Variants in GCSH observed in about 807,000 individuals in gnomAD.
GCSH encodes the protein glycine cleavage system H protein, mitochondrial.
A neutral mutation model predicts 21.3 loss-of-function variants in GCSH; 15 were observed. The observed-to-expected ratio is 0.70, with a 90% CI of 0.47 to 1.08. The LOEUF is 1.08. Among genes scored for constraint, GCSH ranks in the 50% least tolerant of loss-of-function variants. GCSH has a pLI of 0.00. For synonymous variants in GCSH, 59 were observed against 84.5 expected (o/e 0.70, Z 1.66); for missense variants, 179 against 217.5 (o/e 0.82, Z 1.11).
intron 1 of GCSH, among the ~76,000 whole-genome samples, chr16:81,092,382 A>G (rs565723898): frequency 3.3e-5 from 5 of 152,284 alleles, no homozygotes; most frequent in African/African-American, 1.2e-4. Flanking sequence ...TTTTAAATAC[A>G]GTGCTTGCCA....
At chr16:81,088,243 G>T (rs1972324479) in intron 2 of GCSH, among the ~76,000 whole-genome samples, 1 of 152,116 alleles carries the variant, frequency 6.6e-6, no homozygotes, top group Non-Finnish European at 1.5e-5. Context: ...TGGCAATATA[G>T]CAAGACCCTG....
intron 1 of GCSH, among the ~76,000 whole-genome samples, chr16:81,093,103 G>A (rs1423971899): frequency 1.4e-5 from 2 of 146,926 alleles, no homozygotes; most frequent in Admixed American, 6.9e-5. Flanking sequence ...TTGCCTGGGC[G>A]ACTAGCGAAA....
At chr16:81,093,339 C>G (rs540726177) in intron 1 of GCSH, among the ~76,000 whole-genome samples, 92 of 152,244 alleles carry the variant, frequency 6.0e-4, no homozygotes, top group Non-Finnish European at 8.4e-4. Flanking sequence ...CTGAGACTAC[C>G]TTCTTTGACC....
intron 3 of GCSH, among the ~76,000 whole-genome samples, chr16:81,085,302 C>G (rs371610679): frequency 1.3e-5 from 2 of 152,132 alleles, no homozygotes; most frequent in Non-Finnish European, 2.9e-5. Context: ...CGTGAGCCAC[C>G]GTGCCTGGCC....
intron 1 of GCSH, among the ~76,000 whole-genome samples, chr16:81,094,728 T>A (rs1001233735): frequency 1.3e-5 from 2 of 152,090 alleles, no homozygotes; most frequent in African/African-American, 4.8e-5. Context: ...AACAATGAGC[T>A]AATGAGACAA....
chr16:81,083,317 A>G (rs7203546), intron 4 of GCSH: 260,261 of 303,168 alleles, frequency 0.86, 113,242 homozygotes, highest in Middle Eastern at 0.93. Flanking sequence ...TAGGAGCTCT[A>G]GACCAGCCTG....
rs112174861 is a variant in GCSH, at chr16:81,090,096, C to CTT, written c.228+503_228+504dup. Among the ~76,000 whole-genome samples the CTT allele has an allele frequency of 1.1e-4, 16 of 146,204 alleles. No homozygotes were observed. In the East Asian group the frequency reaches 3.0e-3, roughly 27 times the overall value. On this transcript the variant is annotated intron_variant, in intron 2 of 4. Coordinates refer to ENST00000315467, the MANE Select transcript of GCSH (RefSeq NM_004483.5). ...GTTGGTTTTCTTACTTTCTTTCTTTCTTTTTTTTTTTGGAGATGGAGTCTC... is the reference window on the plus strand; with the variant it reads ...GTTGGTTTTCTTACTTTCTTTCTTTCTTTTTTTTTTTTTGGAGATGGAGTCTC...
intron 1 of GCSH, among the ~76,000 whole-genome samples, chr16:81,094,406 G>A (rs1972458633): frequency 6.6e-6 from 1 of 151,214 alleles, no homozygotes; most frequent in Non-Finnish European, 1.5e-5. Flanking sequence ...TCCACAGGCT[G>A]AGGCAGGAGA....
chr16:81,095,697 T>G (rs1972491464), intron 1 of GCSH, among the ~76,000 whole-genome samples: 1 of 152,054 alleles, frequency 6.6e-6, no homozygotes, highest in Non-Finnish European at 1.5e-5. Context: ...TAATTTTACT[T>G]CGGAGTTCTC....
chr16:81,089,840 T>C (rs955422319), intron 2 of GCSH, among the ~76,000 whole-genome samples: 5 of 152,194 alleles, frequency 3.3e-5, no homozygotes, highest in Admixed American at 6.6e-5. Context: ...TCTGTGCCTA[T>C]TGAGGTTTTC....
chr16:81,087,382 C>T (rs1972304520), intron 3 of GCSH, among the ~76,000 whole-genome samples: 2 of 151,708 alleles, frequency 1.3e-5, no homozygotes, highest in South Asian at 4.2e-4. Context: ...ATTAGCTGGG[C>T]GTGGTGGCAC....
At position 81,082,591 on chromosome 16, in the gene GCSH, A is replaced by G. The variant is rs550717833; in HGVS notation, c.*275T>C. The G allele has an allele frequency of 2.0e-5, 7 of 350,808 alleles. No homozygotes were observed. The East Asian group carries it at 4.1e-4, about 21-fold the overall frequency. 21.7% of individuals were successfully genotyped at this position (350,808 alleles called of 1,614,324 possible). On this transcript the variant is annotated 3_prime_UTR_variant, in exon 5 of 5. Coordinates refer to ENST00000315467, the MANE Select transcript of GCSH (RefSeq NM_004483.5). ...GTTATCTTTGAATTATGTAATTTTTATAACTAGTTTTTACCATGGATAATT... is the reference window on the plus strand; with the variant it reads ...GTTATCTTTGAATTATGTAATTTTTGTAACTAGTTTTTACCATGGATAATT...
chr16:81,091,339 A>C (rs1972393533), intron 1 of GCSH: 2 of 331,456 alleles, frequency 6.0e-6, no homozygotes, highest in South Asian at 4.9e-5. Flanking sequence ...ACAACTCAAC[A>C]GTCTTCTCAG....
intron 1 of GCSH, among the ~76,000 whole-genome samples, chr16:81,095,377 A>ATTTTTTTTTTTTTT (rs78295348): frequency 1.4e-5 from 2 of 146,438 alleles, no homozygotes; most frequent in East Asian, 2.0e-4. Context: ...TGGCGCTTTA[A>ATTTTTTTTTTTTTT]TTTTTTTTTT....
intron 2 of GCSH, among the ~76,000 whole-genome samples, chr16:81,087,936 G>C (rs1972317400): frequency 6.6e-6 from 1 of 152,078 alleles, no homozygotes; most frequent in Non-Finnish European, 1.5e-5. Context: ...GACCAGCCTG[G>C]TTGACATGGT....
chr16:81,089,294 T>C (rs1237075706), intron 2 of GCSH, among the ~76,000 whole-genome samples: 2 of 152,218 alleles, frequency 1.3e-5, no homozygotes, highest in Admixed American at 6.6e-5. Flanking sequence ...TCATCCAAGA[T>C]TCTGGAATCC....
intron 1 of GCSH, among the ~76,000 whole-genome samples, chr16:81,091,438 G>T (rs1014801173): frequency 6.6e-6 from 1 of 152,136 alleles, no homozygotes; most frequent in African/African-American, 2.4e-5. Context: ...CTTCTCTAAA[G>T]ATACGGTCAA....
intron 3 of GCSH, among the ~76,000 whole-genome samples, chr16:81,085,726 G>C (rs1159396653): frequency 2.6e-5 from 4 of 152,118 alleles, no homozygotes; most frequent in South Asian, 2.1e-4. Flanking sequence ...CGGGCGTGGT[G>C]GTGGGCGCCT....
At chr16:81,092,268 C>A (rs1288771203) in intron 1 of GCSH, among the ~76,000 whole-genome samples, 1 of 152,042 alleles carries the variant, frequency 6.6e-6, no homozygotes, top group South Asian at 2.1e-4. Context: ...AGCACACACA[C>A]GGTGCTGAAC....
Sources: allele counts gnomAD v4.1 joint callset (sites outside exome capture counted in the v4.1 genomes callset), GRCh38; gene constraint gnomAD v4.1.1; transcripts MANE v1.5; gene names NCBI Gene and HGNC (gene_info 2026-07-23, HGNC 2026-07-21).